The following STAU2 variants were observed in gnomAD, a reference collection of about 807,000 sequenced individuals.
STAU2 encodes staufen double-stranded RNA binding protein 2.
Under a neutral mutation model 65.9 loss-of-function variants are expected in STAU2, and 20 were observed. That is an observed-to-expected ratio of 0.30 (90% CI 0.21 to 0.44). The LOEUF is 0.44. Ranked by LOEUF, STAU2 falls within the 20% of genes least tolerant of loss-of-function variation. The pLI is 1.00. For missense variants in STAU2, 558 were observed against 683.9 expected (o/e 0.82, Z 2.05); for synonymous variants, 232 against 233.9 (o/e 0.99, Z 0.07).
intron 13 of STAU2, among the ~76,000 whole-genome samples, chr8:73,536,557 G>C (rs932681494): frequency 6.6e-6 from 1 of 152,116 alleles, no homozygotes; most frequent in Non-Finnish European, 1.5e-5. Context: ...CAATTTCCTT[G>C]CTAAAGTTGT....
intron 13 of STAU2, among the ~76,000 whole-genome samples, chr8:73,426,561 G>A (rs1433680635): frequency 1.3e-5 from 2 of 152,118 alleles, no homozygotes; most frequent in African/African-American, 4.8e-5. Context: ...AGAACAAGTG[G>A]TGTTTAACTT....
intron 12 of STAU2, among the ~76,000 whole-genome samples, chr8:73,574,425 T>C (rs1310394367): frequency 6.6e-6 from 1 of 152,230 alleles, no homozygotes; most frequent in Non-Finnish European, 1.5e-5. Flanking sequence ...CAAAGGATTA[T>C]AAATCATGCT....
intron 1 of STAU2, among the ~76,000 whole-genome samples, chr8:73,743,994 ACTCCTGAC>A (rs1468172831): frequency 7.1e-6 from 1 of 141,154 alleles, no homozygotes; most frequent in Non-Finnish European, 1.5e-5. Context: ...CTGGTCTCGA[ACTCCTGAC>A]CTCCTGATCC....
intron 13 of STAU2, among the ~76,000 whole-genome samples, chr8:73,466,759 C>T (rs1819677523): frequency 6.6e-6 from 1 of 152,242 alleles, no homozygotes; most frequent in Non-Finnish European, 1.5e-5. Flanking sequence ...TATGTGACTT[C>T]CTGTAAGCCC....
intron 11 of STAU2, among the ~76,000 whole-genome samples, chr8:73,592,000 A>T (rs1430979121): frequency 6.6e-6 from 1 of 151,232 alleles, no homozygotes; most frequent in Non-Finnish European, 1.5e-5. Flanking sequence ...ACAGCATTAA[A>T]TGCTTATATT....
intron 6 of STAU2, among the ~76,000 whole-genome samples, chr8:73,620,948 T>C (rs554176876): frequency 6.6e-6 from 1 of 152,288 alleles, no homozygotes; most frequent in African/African-American, 2.4e-5. Flanking sequence ...TGCAGAATGG[T>C]TTTTGTGTGA....
intron 6 of STAU2, among the ~76,000 whole-genome samples, chr8:73,633,054 C>A (rs1814217632): frequency 6.6e-6 from 1 of 152,054 alleles, no homozygotes; most frequent in South Asian, 2.1e-4. Context: ...TCACTGCAGC[C>A]CTAGTGTATG....
rs182933795 is a variant in STAU2, at chr8:73,608,184, G to T, written c.892-4321C>A. The stretch of plus-strand genomic sequence containing the variant: ...CTCTAAAAGATCATACTTTTTAAAC[G>T]ATCATTTGGTGTCAAGAGTACTTGT... On this transcript the variant is annotated intron_variant, in intron 9 of 14. Transcript: ENST00000524300. Among the ~76,000 whole-genome samples, 481 of 152,232 alleles carry T rather than the reference G, an allele frequency of 3.2e-3. 12 individuals carry two copies. The highest frequency in any genetic ancestry group is 0.028 in the Admixed American group (422 of 15,276).
intron 13 of STAU2, among the ~76,000 whole-genome samples, chr8:73,477,058 C>T (rs187092663): frequency 6.6e-5 from 10 of 152,308 alleles, no homozygotes; most frequent in African/African-American, 2.4e-4. Context: ...GATAACACTT[C>T]CTGTGACACT....
At chr8:73,667,557 C>G (rs1218136666) in intron 6 of STAU2, among the ~76,000 whole-genome samples, 2 of 152,208 alleles carry the variant, frequency 1.3e-5, no homozygotes, top group African/African-American at 4.8e-5. Context: ...TTCAGTTCAT[C>G]CCTCCTGGAA....
intron 3 of STAU2, among the ~76,000 whole-genome samples, chr8:73,728,462 G>GC (rs1554572378): frequency 1.1e-4 from 4 of 37,232 alleles, no homozygotes; most frequent in African/African-American, 2.6e-4. Flanking sequence ...TCCAACTTTT[G>GC]CAAAAAAAAA....
chr8:73,692,226 T>G (rs1819374477), intron 4 of STAU2, among the ~76,000 whole-genome samples: 1 of 150,824 alleles, frequency 6.6e-6, no homozygotes, highest in Non-Finnish European at 1.5e-5. Context: ...GGAGATGGAG[T>G]CTTGCTCTGT....
chr8:73,692,427 A>G (rs1586285155), intron 4 of STAU2, among the ~76,000 whole-genome samples: 1 of 151,706 alleles, frequency 6.6e-6, no homozygotes, highest in Admixed American at 6.6e-5. Flanking sequence ...CGAACTCTTG[A>G]CCTCGTGATC....
At chr8:73,549,463 T>C (rs1005500433) in intron 13 of STAU2, 1 of 190,248 alleles carries the variant, frequency 5.3e-6, no homozygotes, top group Non-Finnish European at 9.7e-6. Context: ...TTTAATTGTA[T>C]AATAATTTTA....
chr8:73,459,702 A>G (rs989373526), intron 13 of STAU2, among the ~76,000 whole-genome samples: 3 of 152,064 alleles, frequency 2.0e-5, no homozygotes, highest in Non-Finnish European at 2.9e-5. Context: ...GTCACATCCC[A>G]CACATGCTGC....
At chr8:73,536,159 T>C (rs949465558) in intron 13 of STAU2, among the ~76,000 whole-genome samples, 17 of 152,188 alleles carry the variant, frequency 1.1e-4, no homozygotes, top group African/African-American at 4.1e-4. Context: ...CAAAAAGCTC[T>C]GGACGCTATA....
intron 6 of STAU2, among the ~76,000 whole-genome samples, chr8:73,649,229 T>A: frequency 6.6e-6 from 1 of 152,228 alleles, no homozygotes; most frequent in Non-Finnish European, 1.5e-5. Context: ...TCCCATATTC[T>A]TGTTTCTAAC....
chr8:73,535,931 A>G (rs1806151006), intron 13 of STAU2, among the ~76,000 whole-genome samples: 1 of 152,158 alleles, frequency 6.6e-6, no homozygotes, highest in Non-Finnish European at 1.5e-5. Context: ...GGACCTTACA[A>G]ATCTTATTAT....
At chr8:73,673,472 A>G (rs1817832067) in intron 5 of STAU2, among the ~76,000 whole-genome samples, 1 of 152,152 alleles carries the variant, frequency 6.6e-6, no homozygotes, top group Admixed American at 6.5e-5. Context: ...AAAAAATCTG[A>G]GTGTGCAATC....
Sources: allele counts gnomAD v4.1 joint callset (sites outside exome capture counted in the v4.1 genomes callset), GRCh38; gene constraint gnomAD v4.1.1; transcripts MANE v1.5; gene names NCBI Gene and HGNC (gene_info 2026-07-23, HGNC 2026-07-21).